The following HIVEP3 variants were observed in gnomAD, a reference collection of about 807,000 sequenced individuals.
The protein encoded by HIVEP3 is HIVEP zinc finger 3.
In HIVEP3, 49 loss-of-function variants were observed where a neutral mutation model predicts 152.8. That is an observed-to-expected ratio of 0.32 (90% CI 0.26 to 0.41). The LOEUF is 0.41. Ranked by LOEUF, HIVEP3 falls within the 10% of genes least tolerant of loss-of-function variation. The pLI is 1.00. For synonymous variants in HIVEP3, 1,269 were observed against 1,289.0 expected (o/e 0.98, Z 0.33); for missense variants, 2,790 against 3,103.3 (o/e 0.90, Z 2.40).
chr1:41,637,919 A>ATCTTAAC (rs1645302210), intron 2 of HIVEP3, among the ~76,000 whole-genome samples: 1 of 152,210 alleles, frequency 6.6e-6, no homozygotes, highest in African/African-American at 2.4e-5. Flanking sequence ...GAAAACAGTT[A>ATCTTAAC]AGAGGCCAAT....
intron 1 of HIVEP3, among the ~76,000 whole-genome samples, chr1:41,893,737 T>C (rs930884637): frequency 5.4e-5 from 8 of 148,500 alleles, no homozygotes; most frequent in Admixed American, 1.3e-4. Flanking sequence ...TATATAGATA[T>C]ACATATATAT....
In HIVEP3 at chr1:41,564,872, G is replaced by A. The variant is rs115817053; in HGVS notation, c.5207+10672C>T. Among the ~76,000 whole-genome samples, 748 of 152,312 alleles carry A rather than the reference G, an allele frequency of 4.9e-3. 3 individuals carry two copies. The highest frequency in any genetic ancestry group is 0.017 in the African/African-American group (713 of 41,574). ...GAAGACCCAACACAGGAGGCAGAGA[G>A]GACCTCCGGGAGTGGGTGGAGGGAG... On this transcript the variant is annotated intron_variant, in intron 5 of 8. Transcript: ENST00000372583.
At chr1:41,518,610 C>G in intron 6 of HIVEP3, 122 bp from the exon 7 acceptor site, 1 of 903,264 alleles carries the variant, frequency 1.1e-6, no homozygotes, top group Non-Finnish European at 1.8e-6. Flanking sequence ...AAGGCCCTGC[C>G]AGCTGCAGGG....
chr1:41,962,142 TAA>T (rs2124498163), intron 1 of HIVEP3, among the ~76,000 whole-genome samples: 1 of 152,356 alleles, frequency 6.6e-6, no homozygotes, highest in Non-Finnish European at 1.5e-5. Flanking sequence ...GAGATTCACT[TAA>T]GCCAGAAATA....
chr1:41,581,522 G>A lies in HIVEP3; in HGVS notation c.3276C>T (p.Ala1092=), dbSNP rs1644408466. 6.3e-7 allele frequency: 1 copy of A among 1,588,424 alleles called. No homozygotes were observed. Among genetic ancestry groups the A allele is most frequent in the Non-Finnish European group, 8.6e-7 (1 of 1,167,420 alleles). The change falls in exon 4 of 9, where the codon GCC becomes GCT. Residue 1092 remains alanine, a synonymous_variant. Coordinates refer to ENST00000372583, the MANE Select transcript of HIVEP3 (RefSeq NM_024503.5). This position sits in a 1 kb window ranked among gnomAD's most constrained non-coding sequence, Gnocchi z 4.5. The stretch of plus-strand genomic sequence containing the variant: ...CTCCCGGGGGTCCACCATGTGAGGT[G>A]GCCGCAGAGGAAATCTGGGACAATG... ...KSSLSQISSA[A]TSHGGPPGGK... is the part of the protein sequence containing the mutation.
chr1:41,748,001 C>A (rs1647098875), intron 1 of HIVEP3, among the ~76,000 whole-genome samples: 1 of 152,204 alleles, frequency 6.6e-6, no homozygotes, highest in African/African-American at 2.4e-5. Flanking sequence ...GAATAGGAAC[C>A]AGACAGCAAT....
intron 1 of HIVEP3, among the ~76,000 whole-genome samples, chr1:41,975,638 C>T (rs1414049505): frequency 1.3e-5 from 2 of 152,220 alleles, no homozygotes; most frequent in African/African-American, 4.8e-5. Context: ...TAGGATGAGT[C>T]TATCTGAGCA....
chr1:41,825,751 C>T (rs759933000), intron 1 of HIVEP3, among the ~76,000 whole-genome samples: 2 of 151,968 alleles, frequency 1.3e-5, no homozygotes, highest in African/African-American at 2.4e-5. Context: ...GGACTACAGG[C>T]GTGTGCCACC....
Position 41,580,526 on chromosome 1 carries a change from T to C in HIVEP3, c.4272A>G (p.Thr1424=). Residue 1424 remains threonine (T), a synonymous_variant, in exon 4 of 9, where the codon ACA becomes ACG. Coordinates refer to ENST00000372583, the MANE Select transcript of HIVEP3 (RefSeq NM_024503.5). ...AAAGGACACGTTTGCTTCCCCCTGC[T>C]GTTGATGAACTCCCCTCCAGGCTCA... ...SILSLEGSSS[T]AGGSKRVLSP... 1 of 1,614,226 alleles carries C rather than the reference T, an allele frequency of 6.2e-7. No homozygotes were observed. The highest frequency in any genetic ancestry group is 8.5e-7 in the Non-Finnish European group (1 of 1,180,046).
At chr1:41,872,101 T>C (rs1644091080) in intron 1 of HIVEP3, among the ~76,000 whole-genome samples, 1 of 152,110 alleles carries the variant, frequency 6.6e-6, no homozygotes, top group Non-Finnish European at 1.5e-5. Context: ...CCCTCATCCT[T>C]GATAAAAGAA....
intron 2 of HIVEP3, among the ~76,000 whole-genome samples, chr1:41,658,011 A>C (rs1645655313): frequency 6.6e-6 from 1 of 152,182 alleles, no homozygotes; most frequent in Non-Finnish European, 1.5e-5. Flanking sequence ...TCAGACAATC[A>C]GGGTGGAACT....
chr1:41,747,060 G>T (rs1158947527), intron 1 of HIVEP3, among the ~76,000 whole-genome samples: 2 of 152,158 alleles, frequency 1.3e-5, no homozygotes, highest in Non-Finnish European at 2.9e-5. Context: ...TTGCAGATGA[G>T]GAAACTGAGG....
intron 2 of HIVEP3, among the ~76,000 whole-genome samples, chr1:41,659,318 C>T (rs973182933): frequency 6.6e-6 from 1 of 152,298 alleles, no homozygotes; most frequent in African/African-American, 2.4e-5. Flanking sequence ...CCCATTCCTC[C>T]CTGGCATTCT....
chr1:41,527,310 T>TCACATGC (rs1643010151), intron 5 of HIVEP3, among the ~76,000 whole-genome samples: 1 of 25,036 alleles, frequency 4.0e-5, no homozygotes. Context: ...CCCTCACACT[T>TCACATGC]CACACCCCTG....
At chr1:41,688,781 G>T (rs913985855) in intron 2 of HIVEP3, among the ~76,000 whole-genome samples, 3 of 151,842 alleles carry the variant, frequency 2.0e-5, no homozygotes, top group Admixed American at 1.3e-4. Context: ...TCGGCACCAT[G>T]CTCCAGACAT....
intron 1 of HIVEP3, among the ~76,000 whole-genome samples, chr1:41,817,894 G>C (rs1642459538): frequency 6.6e-6 from 1 of 152,136 alleles, no homozygotes; most frequent in African/African-American, 2.4e-5. Context: ...AGCAGGTGGG[G>C]AGGGAGGAAC....
intron 1 of HIVEP3, among the ~76,000 whole-genome samples, chr1:41,761,210 G>A (rs763441402): frequency 4.1e-4 from 62 of 152,234 alleles, no homozygotes; most frequent in Non-Finnish European, 7.8e-4. Flanking sequence ...GTGCCCAGGT[G>A]TGTATGCATA....
intron 1 of HIVEP3, among the ~76,000 whole-genome samples, chr1:41,794,731 G>A (rs554149286): frequency 1.6e-4 from 24 of 152,160 alleles, no homozygotes; most frequent in African/African-American, 5.8e-4. Context: ...ATGTTTATTA[G>A]GCTTTTTGAA....
At position 41,584,270 on chromosome 1, in the gene HIVEP3, T is replaced by G; in HGVS notation, c.528A>C (p.Thr176=). 2 of 1,613,612 alleles carry G rather than the reference T, an allele frequency of 1.2e-6. No homozygotes were observed. Among genetic ancestry groups the G allele is most frequent in the South Asian group, 1.1e-5 (1 of 91,020 alleles). The change falls in exon 4 of 9, where the codon ACA becomes ACC. Residue 176 remains threonine, a synonymous_variant. Transcript: ENST00000372583. This position sits in a 1 kb window ranked among gnomAD's most constrained non-coding sequence, Gnocchi z 5.2. ...PRPSQVSLKP[T]EEAHKKERKP... Reference sequence around the variant, plus strand: ...TCCTCTCCTTCTTGTGTGCCTCTTCTGTGGGCTTCAAGGAGACCTGGGAAG... The same window carrying G: ...TCCTCTCCTTCTTGTGTGCCTCTTCGGTGGGCTTCAAGGAGACCTGGGAAG...
Sources: allele counts gnomAD v4.1 joint callset (sites outside exome capture counted in the v4.1 genomes callset), GRCh38; gene constraint gnomAD v4.1.1; non-coding constraint Gnocchi (gnomAD v3.1); transcripts MANE v1.5; gene names NCBI Gene and HGNC (gene_info 2026-07-23, HGNC 2026-07-21).